The following ERBB4 variants were observed in gnomAD, a reference collection of about 807,000 sequenced individuals.
ERBB4 encodes erb-b2 receptor tyrosine kinase 4, also known as receptor tyrosine-protein kinase erbB-4.
ERBB4 carries 42 observed loss-of-function variants against 158.0 expected under a neutral mutation model. That is an observed-to-expected ratio of 0.27 (90% confidence interval 0.21 to 0.34). The LOEUF is 0.34. Ranked by LOEUF, ERBB4 falls within the 10% of genes least tolerant of loss-of-function variation. ERBB4 has a pLI of 1.00. For synonymous variants in ERBB4, 583 were observed against 558.7 expected (o/e 1.04, Z -0.61); for missense variants, 1,333 against 1,624.1 (o/e 0.82, Z 3.08).
chr2:212,229,448 C>A (rs1262811454), intron 1 of ERBB4, among the ~76,000 whole-genome samples: 1 of 152,076 alleles, frequency 6.6e-6, no homozygotes, highest in Non-Finnish European at 1.5e-5. Context: ...ATAGCCTGTT[C>A]CATTTGAAAC....
chr2:211,724,459 C>A (rs1038020201), intron 6 of ERBB4, among the ~76,000 whole-genome samples: 4 of 148,356 alleles, frequency 2.7e-5, no homozygotes, highest in African/African-American at 9.9e-5. Context: ...TGTATTTTTA[C>A]GATTTTTAGC....
chr2:211,400,790 G>T (rs1233420404), intron 25 of ERBB4, among the ~76,000 whole-genome samples: 1 of 151,908 alleles, frequency 6.6e-6, no homozygotes, highest in South Asian at 2.1e-4. Flanking sequence ...TAACTGGATT[G>T]CTTGTAACAC....
chr2:212,170,977 G>C (rs1266008918), intron 1 of ERBB4, among the ~76,000 whole-genome samples: 2 of 152,010 alleles, frequency 1.3e-5, no homozygotes, highest in Non-Finnish European at 2.9e-5. Context: ...CATCCTCCAG[G>C]CCCAAGAATG....
At chr2:212,068,759 T>C (rs1202610807) in intron 2 of ERBB4, among the ~76,000 whole-genome samples, 1 of 152,092 alleles carries the variant, frequency 6.6e-6, no homozygotes, top group Non-Finnish European at 1.5e-5. Flanking sequence ...CTGATTCTAT[T>C]TCATGGAATG....
At chr2:212,040,375 T>A (rs1212778128) in intron 2 of ERBB4, among the ~76,000 whole-genome samples, 2 of 152,150 alleles carry the variant, frequency 1.3e-5, no homozygotes, top group Admixed American at 6.6e-5. Flanking sequence ...TTTCCTCATT[T>A]ATGTGGTTTA....
At chr2:212,478,038 T>C (rs1286046553) in intron 1 of ERBB4, among the ~76,000 whole-genome samples, 1 of 152,140 alleles carries the variant, frequency 6.6e-6, no homozygotes, top group Non-Finnish European at 1.5e-5. Flanking sequence ...GCTTTGACCA[T>C]GGCCAGTAAC....
chr2:211,610,170 TC>T (rs2069141050), intron 19 of ERBB4, among the ~76,000 whole-genome samples: 1 of 152,168 alleles, frequency 6.6e-6, no homozygotes, highest in African/African-American at 2.4e-5. Context: ...GATACATATG[TC>T]TTTTTATTAG....
chr2:212,471,865 A>C (rs1306178482), intron 1 of ERBB4, among the ~76,000 whole-genome samples: 1 of 151,900 alleles, frequency 6.6e-6, no homozygotes, highest in East Asian at 1.9e-4. Context: ...TATATTTACC[A>C]AATTATCCAG....
chr2:211,678,205 G>A (rs71422750), intron 13 of ERBB4, among the ~76,000 whole-genome samples: 2 of 151,626 alleles, frequency 1.3e-5, no homozygotes, highest in Admixed American at 6.6e-5. Context: ...AACTACAGTG[G>A]TAGTTTTTCT....
chr2:211,543,924 G>A (rs2066877451), intron 20 of ERBB4, among the ~76,000 whole-genome samples: 1 of 151,866 alleles, frequency 6.6e-6, no homozygotes, highest in Non-Finnish European at 1.5e-5. Context: ...GTATTTTGTG[G>A]CCAGATACCT....
intron 1 of ERBB4, among the ~76,000 whole-genome samples, chr2:212,384,660 G>A (rs13016554): frequency 0.16 from 23,952 of 151,238 alleles, 2,172 homozygotes; most frequent in South Asian, 0.25. Context: ...AATTAACCAT[G>A]TTTAGCACAA....
intron 2 of ERBB4, among the ~76,000 whole-genome samples, chr2:212,119,502 C>A (rs1323382791): frequency 2.0e-5 from 3 of 152,114 alleles, no homozygotes. Flanking sequence ...ATTCCCATTA[C>A]TTACTACATT....
At chr2:212,070,305 C>T (rs1003676242) in intron 2 of ERBB4, among the ~76,000 whole-genome samples, 1 of 151,924 alleles carries the variant, frequency 6.6e-6, no homozygotes, top group Non-Finnish European at 1.5e-5. Flanking sequence ...CAATGCAATC[C>T]TTATAAAAAT....
At chr2:211,685,729 A>G (rs1205426562) in intron 12 of ERBB4, among the ~76,000 whole-genome samples, 2 of 152,250 alleles carry the variant, frequency 1.3e-5, no homozygotes, top group South Asian at 2.1e-4. Context: ...CATCTTTATG[A>G]TTTTGAGCTA....
intron 2 of ERBB4, among the ~76,000 whole-genome samples, chr2:212,096,547 C>T (rs534549432): frequency 1.3e-5 from 2 of 152,222 alleles, no homozygotes; most frequent in East Asian, 3.9e-4. Flanking sequence ...TTACTGAGGG[C>T]TCACATTTCC....
rs534071093 is a variant in ERBB4 at position 211,786,434 on chromosome 2, G to C, written c.556+1591C>G. 2.0e-5 allele frequency among the ~76,000 whole-genome samples: 3 copies of C among 152,196 alleles called. No individual in the cohort carries two copies. In the South Asian group the frequency reaches 6.2e-4, roughly 32 times the overall value. On this transcript the variant is annotated intron_variant, in intron 4 of 27. Coordinates refer to ENST00000342788, the MANE Select transcript of ERBB4 (RefSeq NM_005235.3). ...ATCAATTGGTAGTTAATTTGTAAAA[G>C]ACCATTGGTTATGACTCTACTCTGC...
intron 1 of ERBB4, among the ~76,000 whole-genome samples, chr2:212,358,140 T>C (rs2089536130): frequency 6.6e-6 from 1 of 151,884 alleles, no homozygotes; most frequent in Non-Finnish European, 1.5e-5. Flanking sequence ...GATACCAATT[T>C]TCTCATACAT....
chr2:212,088,648 C>T (rs1009716097), intron 2 of ERBB4, among the ~76,000 whole-genome samples: 1 of 152,108 alleles, frequency 6.6e-6, no homozygotes, highest in African/African-American at 2.4e-5. Context: ...CTTCAAGAAA[C>T]ACCATTGCCA....
At chr2:211,738,722 A>G (rs765818500) in intron 5 of ERBB4, among the ~76,000 whole-genome samples, 3 of 149,950 alleles carry the variant, frequency 2.0e-5, no homozygotes, top group Non-Finnish European at 4.4e-5. Flanking sequence ...ACTAGAGTGC[A>G]ATGGTGTGAT....
Sources: gnomAD v4.1 joint callset for allele counts (sites outside exome capture counted in the v4.1 genomes callset) on GRCh38, gnomAD v4.1.1 for gene constraint, MANE v1.5 for transcripts, NCBI Gene and HGNC (gene_info 2026-07-23, HGNC 2026-07-21) for gene names.